Variants in TTLL11 observed in about 807,000 individuals in gnomAD.
The protein encoded by TTLL11 is tubulin polyglutamylase TTLL11.
Under a neutral mutation model 51.7 loss-of-function variants are expected in TTLL11, and 42 were observed. The ratio of observed to expected loss-of-function variants is 0.81; its 90% confidence interval spans 0.64 to 1.05. The LOEUF is 1.05. Ranked by LOEUF, TTLL11 falls within the 50% of genes least tolerant of loss-of-function variation. The probability of loss-of-function intolerance (pLI) is 0.00; values close to 1 mark genes in which losing one functional copy is unlikely to be tolerated. For missense variants in TTLL11, 799 were observed against 940.4 expected, an observed-to-expected ratio of 0.85 and a Z score of 1.97; for synonymous variants, 381 against 383.5, an observed-to-expected ratio of 0.99 and a Z score of 0.08.
intron 1 of TTLL11, among the ~76,000 whole-genome samples, chr9:122,049,193 C>T (rs548399033): frequency 3.3e-5 from 5 of 152,318 alleles, no homozygotes; most frequent in Admixed American, 3.3e-4. Flanking sequence ...TCACCACTAA[C>T]ATTAGCATTT....
At chr9:121,974,647 A>G (rs942539929) in intron 5 of TTLL11, among the ~76,000 whole-genome samples, 1 of 152,214 alleles carries the variant, frequency 6.6e-6, no homozygotes, top group Non-Finnish European at 1.5e-5. Context: ...GCTGCTTCTA[A>G]GTTTCCAAAC....
intron 6 of TTLL11, chr9:121,885,484 T>C (rs1838975343): frequency 6.6e-6 from 1 of 152,284 alleles, no homozygotes; most frequent in Admixed American, 6.5e-5. Flanking sequence ...ACCTGTGTGC[T>C]AAGCACATCC....
intron 6 of TTLL11, among the ~76,000 whole-genome samples, chr9:121,935,825 G>T (rs1841186630): frequency 6.6e-6 from 1 of 152,170 alleles, no homozygotes; most frequent in Admixed American, 6.5e-5. Context: ...GGATAAACTG[G>T]GAGAAGAGCT....
At chr9:121,831,248 C>T (rs1007010274) in intron 8 of TTLL11, among the ~76,000 whole-genome samples, 2 of 152,196 alleles carry the variant, frequency 1.3e-5, no homozygotes, top group African/African-American at 4.8e-5. Flanking sequence ...GTTCCCTCAC[C>T]CTGGGGATTC....
At chr9:121,827,631 C>T (rs1019534023) in intron 8 of TTLL11, among the ~76,000 whole-genome samples, 2 of 152,212 alleles carry the variant, frequency 1.3e-5, no homozygotes, top group African/African-American at 2.4e-5. Context: ...CCAAACTGCA[C>T]GCCATGAGCA....
intron 6 of TTLL11, among the ~76,000 whole-genome samples, chr9:121,896,621 T>C (rs912579884): frequency 6.6e-6 from 1 of 152,184 alleles, no homozygotes; most frequent in East Asian, 1.9e-4. Context: ...CGAGGTTGCA[T>C]AGATGGGCGT....
rs1353846396 is a variant in TTLL11, at chr9:121,890,377, T to C, written c.1482-19629A>G. On this transcript the variant is annotated intron_variant, in intron 6 of 8. Transcript: ENST00000321582. This position sits in a 1 kb window ranked among gnomAD's most constrained non-coding sequence, Gnocchi z 4.3. ...TGAACTTCAACAGCCTCTTCACCAG[T>C]TTCCTGGCTCGCAACCTCCGCTTCC... Among the ~76,000 whole-genome samples, 2 of 152,196 alleles carry C rather than the reference T, an allele frequency of 1.3e-5. No individual in the cohort carries two copies. Among genetic ancestry groups the C allele is most frequent in the Non-Finnish European group, 2.9e-5 (2 of 68,036 alleles).
At chr9:122,048,688 C>T (rs1013278133) in intron 1 of TTLL11, among the ~76,000 whole-genome samples, 1 of 152,180 alleles carries the variant, frequency 6.6e-6, no homozygotes, top group African/African-American at 2.4e-5. Context: ...TTTAAGGATA[C>T]AGCACTTTAT....
rs146730316 is a variant in TTLL11 at position 121,894,657 on chromosome 9, C to G, written c.1482-23909G>C. 4.5e-4 allele frequency among the ~76,000 whole-genome samples: 69 copies of G among 152,262 alleles called. No individual in the cohort carries two copies. The South Asian group carries it at 5.0e-3, about 11-fold the overall frequency. On this transcript the variant is annotated intron_variant, in intron 6 of 8. Coordinates refer to ENST00000321582, the MANE Select transcript of TTLL11 (RefSeq NM_001139442.2). The stretch of plus-strand genomic sequence containing the variant: ...GCAAACTAACACAGGAACAGAAAAT[C>G]AAACACCACAAGTTCTCACTCATAA...
chr9:122,089,786 T>A (rs1182705175), intron 1 of TTLL11, among the ~76,000 whole-genome samples: 4 of 152,136 alleles, frequency 2.6e-5, no homozygotes, highest in Admixed American at 2.6e-4. Flanking sequence ...ATTGTTTTTT[T>A]AATTTTCAAT....
intron 6 of TTLL11, among the ~76,000 whole-genome samples, chr9:121,971,819 C>T (rs1398282506): frequency 6.8e-5 from 10 of 147,634 alleles, no homozygotes. Context: ...AGAATGAGTT[C>T]ATGTCCTTTG....
rs115605538 is a variant in TTLL11, at chr9:121,826,844, C to G, written c.1841-3965G>C. ...GCAGAATGAGGAGGGCTTGGATGGG[C>G]AGAGATGTGCTGGGGGTGGTCGACT... is the stretch of plus-strand genomic sequence containing the variant. On this transcript the variant is annotated intron_variant, in intron 8 of 8. Transcript: ENST00000321582. Among the ~76,000 whole-genome samples, 1,356 of 151,980 alleles carry G rather than the reference C, an allele frequency of 8.9e-3. 25 individuals are homozygous for G. Among genetic ancestry groups the G allele is most frequent in the African/African-American group, 0.031 (1,298 of 41,424 alleles).
intron 8 of TTLL11, among the ~76,000 whole-genome samples, chr9:121,840,087 G>T (rs7040187): frequency 0.061 from 8,997 of 148,492 alleles, 726 homozygotes; most frequent in African/African-American, 0.19. Context: ...CACTGGAGCT[G>T]CATCGAATCA....
At chr9:121,852,038 A>G (rs1485329701) in intron 8 of TTLL11, among the ~76,000 whole-genome samples, 1 of 152,188 alleles carries the variant, frequency 6.6e-6, no homozygotes, top group African/African-American at 2.4e-5. Context: ...GCAGACCAGG[A>G]CTGAGACTCG....
intron 6 of TTLL11, among the ~76,000 whole-genome samples, chr9:121,906,038 T>C (rs1839933425): frequency 6.6e-6 from 1 of 152,212 alleles, no homozygotes; most frequent in Admixed American, 6.5e-5. Flanking sequence ...GTGATACTTT[T>C]TCTATTAATT....
chr9:121,838,984 A>C (rs974527756), intron 8 of TTLL11, among the ~76,000 whole-genome samples: 4 of 152,142 alleles, frequency 2.6e-5, no homozygotes, highest in Middle Eastern at 3.4e-3. Flanking sequence ...GCGGGCCTTC[A>C]TTTCGCAGAA....
chr9:122,075,898 C>G (rs1375180070), intron 1 of TTLL11, among the ~76,000 whole-genome samples: 1 of 152,150 alleles, frequency 6.6e-6, no homozygotes, highest in African/African-American at 2.4e-5. Context: ...GGAATCCCTT[C>G]ATGTCATTTC....
At chr9:122,054,739 C>T (rs1845246972) in intron 1 of TTLL11, among the ~76,000 whole-genome samples, 1 of 152,206 alleles carries the variant, frequency 6.6e-6, no homozygotes, top group Admixed American at 6.5e-5. Flanking sequence ...CAGTTCTCTA[C>T]TTCCTCACAG....
rs748983659 is a variant in TTLL11 at position 121,989,099 on chromosome 9, C to A, written c.1269+96G>T. On this transcript the variant is annotated intron_variant, in intron 4 of 8. Coordinates refer to ENST00000321582, the MANE Select transcript of TTLL11 (RefSeq NM_001139442.2). The surrounding 1 kb of genome is among the most constrained non-coding windows in gnomAD (Gnocchi z 4.2). ...CCACCAACACTGTCCCCTCCTCTGG[C>A]CATCCCACCCCGATCACTCATCCTA... is the stretch of plus-strand genomic sequence containing the variant. 11 of 1,545,156 alleles carry A rather than the reference C, an allele frequency of 7.1e-6. No homozygotes were observed. The highest frequency in any genetic ancestry group is 9.6e-6 in the Non-Finnish European group (11 of 1,144,866).
Sources: gnomAD v4.1 joint callset for allele counts (sites outside exome capture counted in the v4.1 genomes callset) on GRCh38, gnomAD v4.1.1 for gene constraint, Gnocchi (gnomAD v3.1) non-coding constraint, MANE v1.5 for transcripts, NCBI Gene and HGNC (gene_info 2026-07-23, HGNC 2026-07-21) for gene names.